CACNA1C: variants seen among roughly 807,000 people sequenced by gnomAD.
CACNA1C encodes voltage-dependent L-type calcium channel subunit alpha-1C.
A neutral mutation model predicts 229.0 loss-of-function variants in CACNA1C; 30 were observed. The observed-to-expected ratio is 0.13, with a 90% CI of 0.10 to 0.18. The LOEUF is 0.18. CACNA1C is among the 10% of genes least tolerant of loss of function. The pLI, the probability that CACNA1C is intolerant of heterozygous loss-of-function variation, is 1.00. For synonymous variants in CACNA1C, 1,114 were observed against 1,132.5 expected (o/e 0.98, Z 0.33); for missense variants, 1,658 against 2,845.0 (o/e 0.58, Z 9.49).
intron 29 of CACNA1C, among the ~76,000 whole-genome samples, chr12:2,624,982 C>T (rs2085488702): frequency 6.6e-6 from 1 of 152,198 alleles, no homozygotes; most frequent in East Asian, 1.9e-4. Context: ...GGGCCAAGCT[C>T]CCGCATTCCC....
chr12:2,363,635 C>A (rs979128889), intron 3 of CACNA1C, among the ~76,000 whole-genome samples: 4 of 151,980 alleles, frequency 2.6e-5, no homozygotes, highest in Non-Finnish European at 4.4e-5. Flanking sequence ...TTTTCTAGAG[C>A]TTTTTTCTTT....
intron 3 of CACNA1C, among the ~76,000 whole-genome samples, chr12:2,289,153 G>T (rs1566895901): frequency 6.6e-6 from 1 of 152,162 alleles, no homozygotes; most frequent in African/African-American, 2.4e-5. Context: ...AAAAATGCTG[G>T]GTCTTCTCTC....
chr12:2,426,595 T>G (rs1236538785), intron 3 of CACNA1C, among the ~76,000 whole-genome samples: 1 of 152,248 alleles, frequency 6.6e-6, no homozygotes. Context: ...ACTACCCGGA[T>G]ACTTAGTGGC....
At chr12:2,110,859 G>T (rs1043899443) in intron 1 of CACNA1C, among the ~76,000 whole-genome samples, 8 of 152,160 alleles carry the variant, frequency 5.3e-5, no homozygotes. Flanking sequence ...TCAGGGTGGG[G>T]ATCTACCGCA....
chr12:2,316,834 A>AAAAGATGGCCAGGG (rs2154491834), intron 3 of CACNA1C, among the ~76,000 whole-genome samples: 1 of 152,336 alleles, frequency 6.6e-6, no homozygotes, highest in East Asian at 1.9e-4. Flanking sequence ...CACAGGCACA[A>AAAAGATGGCCAGGG]AAAGATGGCC....
chr12:2,544,451 G>A (rs931471177), intron 9 of CACNA1C, among the ~76,000 whole-genome samples: 2 of 152,234 alleles, frequency 1.3e-5, no homozygotes, highest in African/African-American at 4.8e-5. Context: ...TTCCTTCTGT[G>A]AGTGGTGACC....
rs769066346 is a variant in CACNA1C, at chr12:2,597,528, G to A, written c.2853+239G>A. 17 of 1,344,382 alleles carry A rather than the reference G, an allele frequency of 1.3e-5. No homozygotes were observed. The highest frequency in any genetic ancestry group is 1.0e-4 in the African/African-American group (7 of 69,536). 83.3% of individuals were successfully genotyped at this position (1,344,382 alleles called of 1,614,324 possible). A position where few individuals can be genotyped will look rare whatever the true frequency, so the allele number is the denominator to read the frequency against. ...CAACCTGGGCAATGCATCCTCTGTC[G>A]CTTTCTTTGTCTATCTCTGCTCTGT... On this transcript the variant is annotated intron_variant, in intron 21 of 46. Transcript: ENST00000399655. This position sits in a 1 kb window ranked among gnomAD's most constrained non-coding sequence, Gnocchi z 4.3.
chr12:2,066,516 G>A (rs147620169), intron 1 of CACNA1C, among the ~76,000 whole-genome samples: 16 of 152,266 alleles, frequency 1.1e-4, no homozygotes, highest in African/African-American at 3.1e-4. Flanking sequence ...TGAGAAGCCC[G>A]CTGGATTGAA....
chr12:2,693,937 C>A lies in CACNA1C; in HGVS notation c.*2738C>A, dbSNP rs534110143. ...GACAGCTTGCTGGACTGATTCATGA[C>A]AAAGTGGAGAAATGTACTCAATACT... On this transcript the variant is annotated 3_prime_UTR_variant, in exon 47 of 47. Transcript: ENST00000399655. 1 of 152,302 alleles carries A rather than the reference C, an allele frequency of 6.6e-6. No homozygotes were observed. Among genetic ancestry groups the A allele is most frequent in the African/African-American group, 2.4e-5 (1 of 41,560 alleles). The allele number at this position is 152,302 out of a possible 1,614,324, so 9.4% of individuals were successfully genotyped here. A position where few individuals can be genotyped will look rare whatever the true frequency, so the allele number is the denominator to read the frequency against.
chr12:2,145,704 C>A (rs1160458764), intron 3 of CACNA1C, among the ~76,000 whole-genome samples: 8 of 151,348 alleles, frequency 5.3e-5, no homozygotes, highest in Admixed American at 2.0e-4. Context: ...TAGATTAAAT[C>A]TTGATTACTG....
At chr12:2,667,626 A>C (rs1192063343) in intron 37 of CACNA1C, among the ~76,000 whole-genome samples, 1 of 152,238 alleles carries the variant, frequency 6.6e-6, no homozygotes, top group East Asian at 1.9e-4. Context: ...GCAAGGTACA[A>C]ACACCATGCA....
chr12:2,171,721 A>C (rs1015680664), intron 3 of CACNA1C, among the ~76,000 whole-genome samples: 1 of 152,214 alleles, frequency 6.6e-6, no homozygotes, highest in African/African-American at 2.4e-5. Context: ...AAAATGAAGC[A>C]AACAGCTAAG....
At chr12:2,574,812 A>C (rs1473717400) in intron 13 of CACNA1C, among the ~76,000 whole-genome samples, 1 of 152,224 alleles carries the variant, frequency 6.6e-6, no homozygotes, top group African/African-American at 2.4e-5. Context: ...GCAGATGCCC[A>C]GTTCCCTGGC....
intron 1 of CACNA1C, among the ~76,000 whole-genome samples, chr12:2,112,099 C>T (rs867132439): frequency 1.3e-4 from 20 of 152,196 alleles, no homozygotes; most frequent in Admixed American, 2.6e-4. Flanking sequence ...TAGAGTCTAG[C>T]AGCTCACCGT....
chr12:2,364,435 T>C (rs1046427863), intron 3 of CACNA1C, among the ~76,000 whole-genome samples: 4 of 152,148 alleles, frequency 2.6e-5, no homozygotes, highest in African/African-American at 9.7e-5. Context: ...TGTAGAAACC[T>C]GTAAACCCGG....
At chr12:2,552,314 G>A (rs1599792336) in intron 10 of CACNA1C, among the ~76,000 whole-genome samples, 1 of 69,926 alleles carries the variant, frequency 1.4e-5, no homozygotes, top group Non-Finnish European at 3.6e-5. Flanking sequence ...CAAATAAATA[G>A]GCAACTATAG....
At chr12:2,645,590 A>G (rs2094256980) in intron 30 of CACNA1C, among the ~76,000 whole-genome samples, 1 of 152,186 alleles carries the variant, frequency 6.6e-6, no homozygotes. Context: ...AAGGGTACCA[A>G]AGACTCTAAG....
chr12:2,682,455 C>A (rs2097196254), intron 42 of CACNA1C, 95 bp from the exon 43 acceptor site: 1 of 1,448,260 alleles, frequency 6.9e-7, no homozygotes, highest in Non-Finnish European at 9.4e-7. Context: ...CGTGTGTACA[C>A]CTGCATGTGT....
chr12:2,406,790 T>C (rs1269431685), intron 3 of CACNA1C, among the ~76,000 whole-genome samples: 1 of 152,250 alleles, frequency 6.6e-6, no homozygotes, highest in African/African-American at 2.4e-5. Context: ...AAGTGCCTTT[T>C]CTCATTCAAG....
Sources: gnomAD v4.1 joint callset for allele counts (sites outside exome capture counted in the v4.1 genomes callset) on GRCh38, gnomAD v4.1.1 for gene constraint, Gnocchi (gnomAD v3.1) non-coding constraint, MANE v1.5 for transcripts, NCBI Gene and HGNC (gene_info 2026-07-23, HGNC 2026-07-21) for gene names.